LAMC3: variants seen among roughly 807,000 people sequenced by gnomAD.
LAMC3 encodes the protein laminin subunit gamma-3.
In LAMC3, 128 loss-of-function variants were observed where a neutral mutation model predicts 173.8. The ratio of observed to expected loss-of-function variants is 0.74; its 90% CI spans 0.64 to 0.85. The LOEUF (loss-of-function observed/expected upper bound fraction) is 0.85. Among genes scored for constraint, LAMC3 ranks in the 40% least tolerant of loss-of-function variants. LAMC3 has a pLI of 0.00. For synonymous variants in LAMC3, 897 were observed against 909.1 expected (o/e 0.99, Z 0.24); for missense variants, 2,022 against 2,156.0 (o/e 0.94, Z 1.23).
intron 3 of LAMC3, among the ~76,000 whole-genome samples, chr9:131,032,443 C>CT (rs1833842722): frequency 7.9e-6 from 1 of 126,488 alleles, no homozygotes; most frequent in South Asian, 2.8e-4. Flanking sequence ...TCCTTCCTCC[C>CT]TCCCTCCCTC....
At chr9:131,059,203 TAAA>T (rs907815893) in intron 12 of LAMC3, among the ~76,000 whole-genome samples, 2 of 89,336 alleles carry the variant, frequency 2.2e-5, no homozygotes, top group South Asian at 6.5e-4. Context: ...CTCAAAAAAA[TAAA>T]AAAAGGCCGG....
chr9:131,015,098 G>T (rs1833496217), intron 1 of LAMC3, among the ~76,000 whole-genome samples: 1 of 152,182 alleles, frequency 6.6e-6, no homozygotes, highest in East Asian at 1.9e-4. Context: ...GGAAACCAAG[G>T]CACTACATTG....
rs909675254 is a variant in LAMC3, at chr9:131,026,711, T to C, written c.678+122T>C. The C allele has an allele frequency of 1.4e-6, 2 of 1,413,584 alleles. No individual in the cohort carries two copies. Among genetic ancestry groups the C allele is most frequent in the Non-Finnish European group, 9.2e-7 (1 of 1,082,238 alleles). The allele number at this position is 1,413,584 out of a possible 1,614,324, so 87.6% of individuals were successfully genotyped here. On this transcript the variant is annotated intron_variant, in intron 2 of 27. Coordinates refer to ENST00000361069, the MANE Select transcript of LAMC3 (RefSeq NM_006059.4). This position sits in a 1 kb window ranked among gnomAD's most constrained non-coding sequence, Gnocchi z 4.8. ...CCTGCAAAACCCCATGGTTTTCTTT[T>C]TCTTCTTTTATTTTTGGAGACTGAG...
intron 21 of LAMC3, among the ~76,000 whole-genome samples, 183 bp from the exon 22 acceptor site, chr9:131,077,004 G>C (rs2133335066): frequency 6.6e-6 from 1 of 152,342 alleles, no homozygotes; most frequent in African/African-American, 2.4e-5. Flanking sequence ...AGCCCGTCTG[G>C]CTCATCTGAA....
intron 13 of LAMC3, among the ~76,000 whole-genome samples, chr9:131,066,446 G>A (rs1363151503): frequency 1.3e-5 from 2 of 151,584 alleles, no homozygotes; most frequent in African/African-American, 2.4e-5. Flanking sequence ...AGCCGAGATC[G>A]TACCACACTA....
chr9:131,080,653 C>G (rs961368990), intron 23 of LAMC3, among the ~76,000 whole-genome samples: 9 of 152,088 alleles, frequency 5.9e-5, no homozygotes, highest in Admixed American at 2.6e-4. Context: ...GAGCTGAGCC[C>G]AGTGCCTGCC....
chr9:131,073,513 G>C (rs1206145810), intron 20 of LAMC3, among the ~76,000 whole-genome samples, 192 bp downstream of exon 20: 1 of 152,210 alleles, frequency 6.6e-6, no homozygotes, highest in African/African-American at 2.4e-5. Context: ...TAGGGGCAAA[G>C]CTTGGTGGAC....
Position 131,091,682 on chromosome 9 carries a change from G to A in LAMC3, c.4623G>A (p.Leu1541=), listed in dbSNP as rs1830430190. Residue 1541 remains leucine, a synonymous_variant, in exon 28 of 28, where the codon CTG becomes CTA. Transcript: ENST00000361069. ...LLEQESQQQE[L]QIQGFESDLA... is the part of the protein sequence containing the mutation. ...AGCAGGAATCCCAGCAGCAGGAGCT[G>A]CAGATCCAGGGCTTCGAGAGTGACC... is the stretch of plus-strand genomic sequence containing the variant. The A allele has an allele frequency of 2.5e-6, 4 of 1,610,316 alleles. No homozygotes were observed. Among genetic ancestry groups the A allele is most frequent in the Non-Finnish European group, 1.7e-6 (2 of 1,178,578 alleles).
intron 2 of LAMC3, among the ~76,000 whole-genome samples, chr9:131,031,285 G>C (rs926416607): frequency 6.6e-6 from 1 of 152,368 alleles, no homozygotes; most frequent in Non-Finnish European, 1.5e-5. Context: ...AGGTGAAAAT[G>C]TCAGTCTTCA....
intron 7 of LAMC3, among the ~76,000 whole-genome samples, chr9:131,042,022 A>G (rs919274455): frequency 1.3e-5 from 2 of 152,204 alleles, no homozygotes; most frequent in Non-Finnish European, 2.9e-5. Context: ...CTGGAATGAT[A>G]GGAGAGACCA....
rs2133247759 is a variant in LAMC3 at position 131,036,346 on chromosome 9, T to C, written c.976+14T>C. 6.2e-7 allele frequency: 1 copy of C among 1,612,414 alleles called. No homozygotes were observed. The highest frequency in any genetic ancestry group is 8.5e-7 in the Non-Finnish European group (1 of 1,179,518). ...ACGAGTGTCTGCGTGAGTGTCTGAGTGTCACAGGGCATCAGGGACCCGAGG... is the reference window on the plus strand; with the variant it reads ...ACGAGTGTCTGCGTGAGTGTCTGAGCGTCACAGGGCATCAGGGACCCGAGG... On this transcript the variant is annotated intron_variant, in intron 4 of 27. Transcript: ENST00000361069.
intron 1 of LAMC3, among the ~76,000 whole-genome samples, chr9:131,022,779 T>A (rs1357138256): frequency 6.6e-6 from 1 of 152,092 alleles, no homozygotes; most frequent in Non-Finnish European, 1.5e-5. Context: ...GATCTTGCTA[T>A]GTTACCCAGG....
rs762757518 is a variant in LAMC3 at position 131,075,842 on chromosome 9, C to T, written c.3506C>T (p.Thr1169Ile). 3 of 1,611,504 alleles carry T rather than the reference C, an allele frequency of 1.9e-6. No individual in the cohort carries two copies. The highest frequency in any genetic ancestry group is 2.5e-6 in the Non-Finnish European group (3 of 1,179,312). Residue 1169 changes from threonine to isoleucine, a missense_variant, in exon 21 of 28, where the codon ACC becomes ATC. Thr to Ile is a moderately conservative substitution (Grantham distance 89). Coordinates refer to ENST00000361069, the MANE Select transcript of LAMC3 (RefSeq NM_006059.4). ...ARALARSHRD[T>I]ATKIAATAWR... ...GTGTCCTCACACAGCCACAGAGACA[C>T]CGCCACCAAGATCGCAGCCACTGCT...
rs778102176 is a variant in LAMC3, at chr9:131,026,491, TTCA to T, written c.581_583del (p.Phe194_Ser195delinsCys). On this transcript the variant is annotated inframe_deletion, in exon 2 of 28. Transcript: ENST00000361069. The surrounding 1 kb of genome is among the most constrained non-coding windows in gnomAD (Gnocchi z 4.8). ...GCGCGTGGCCTTCTGCACCTCTGAGTTCAGCGACATCTCCCCGCTGAGTGGCGG... is the reference window on the plus strand; with the variant it reads ...GCGCGTGGCCTTCTGCACCTCTGAGTGCGACATCTCCCCGCTGAGTGGCGG... 6.2e-7 allele frequency: 1 copy of T among 1,613,364 alleles called. No homozygotes were observed. The highest frequency in any genetic ancestry group is 1.7e-5 in the Admixed American group (1 of 60,002).
intron 1 of LAMC3, among the ~76,000 whole-genome samples, chr9:131,018,226 C>T (rs760098443): frequency 1.1e-4 from 17 of 151,166 alleles, no homozygotes; most frequent in Non-Finnish European, 2.2e-4. Flanking sequence ...CCTCTGCCTC[C>T]TACGTTCGAG....
chr9:131,033,022 G>A (rs955741922), intron 3 of LAMC3, among the ~76,000 whole-genome samples: 9 of 152,178 alleles, frequency 5.9e-5, no homozygotes, highest in Non-Finnish European at 8.8e-5. Flanking sequence ...TCTCTGGCCC[G>A]TGGTCCTGGT....
chr9:131,055,874 C>A (rs1162550379), intron 11 of LAMC3, among the ~76,000 whole-genome samples: 1 of 151,994 alleles, frequency 6.6e-6, no homozygotes, highest in African/African-American at 2.4e-5. Context: ...AATCCTGTTA[C>A]ATTCATTAGT....
At chr9:131,079,521 C>T (rs559721005) in intron 23 of LAMC3, among the ~76,000 whole-genome samples, 6 of 152,040 alleles carry the variant, frequency 3.9e-5, no homozygotes, top group South Asian at 2.1e-4. Flanking sequence ...GGTGAAACCC[C>T]ATCTCTACTA....
At chr9:131,043,903 G>A (rs1256090257) in intron 7 of LAMC3, among the ~76,000 whole-genome samples, 1 of 151,462 alleles carries the variant, frequency 6.6e-6, no homozygotes, top group Non-Finnish European at 1.5e-5. Context: ...TCTTCCTCTA[G>A]GAGGTCGAGC....
Sources: allele counts gnomAD v4.1 joint callset (sites outside exome capture counted in the v4.1 genomes callset), GRCh38; gene constraint gnomAD v4.1.1; non-coding constraint Gnocchi (gnomAD v3.1); transcripts MANE v1.5; gene names NCBI Gene and HGNC (gene_info 2026-07-23, HGNC 2026-07-21).